The following ARID2 variants were observed in gnomAD, a reference collection of about 807,000 sequenced individuals.
ARID2 encodes AT-rich interactive domain-containing protein 2.
In ARID2, 32 loss-of-function variants were observed where a neutral mutation model predicts 184.6. That is an observed-to-expected ratio of 0.17 (90% CI 0.13 to 0.23). The LOEUF is 0.23. Ranked by LOEUF, ARID2 falls within the 10% of genes least tolerant of loss-of-function variation. The pLI is 1.00. For missense variants in ARID2, 1,696 were observed against 2,197.6 expected (o/e 0.77, Z 4.56); for synonymous variants, 836 against 772.6 (o/e 1.08, Z -1.36).
chr12:45,802,969 T>C (rs943351243), intron 3 of ARID2, among the ~76,000 whole-genome samples: 1 of 152,160 alleles, frequency 6.6e-6, no homozygotes, highest in African/African-American at 2.4e-5. Flanking sequence ...CTTTTTCCTT[T>C]TCTTTTCCCG....
At chr12:45,880,428 A>G (rs1944081169) in intron 16 of ARID2, among the ~76,000 whole-genome samples, 1 of 152,234 alleles carries the variant, frequency 6.6e-6, no homozygotes, top group South Asian at 2.1e-4. Context: ...TCAAATCACC[A>G]GGTTCCTACT....
intron 3 of ARID2, among the ~76,000 whole-genome samples, chr12:45,773,040 G>C (rs1189047785): frequency 1.3e-5 from 2 of 151,978 alleles, no homozygotes; most frequent in Non-Finnish European, 2.9e-5. Flanking sequence ...CATTTAAAAA[G>C]AAATAATACA....
At chr12:45,803,494 C>T (rs1942545101) in intron 3 of ARID2, among the ~76,000 whole-genome samples, 1 of 152,152 alleles carries the variant, frequency 6.6e-6, no homozygotes, top group Admixed American at 6.5e-5. Context: ...TAACAAAGTA[C>T]TTCAAATTCT....
At chr12:45,735,130 GT>G (rs778761065) in intron 3 of ARID2, among the ~76,000 whole-genome samples, 8 of 151,174 alleles carry the variant, frequency 5.3e-5, no homozygotes, top group Non-Finnish European at 1.2e-4. Flanking sequence ...TTCTTGGTGG[GT>G]AAAGCTCTTT....
In ARID2 at chr12:45,891,930, A is replaced by T. The variant is rs547670228; in HGVS notation, c.5061+12A>T. On this transcript the variant is annotated intron_variant, in intron 17 of 20. Transcript: ENST00000334344. The stretch of plus-strand genomic sequence containing the variant: ...TTACCCACTTGCAGGTACACTTTTT[A>T]AATACTATTTGATCAGTAACTCATT... 6.2e-7 allele frequency: 1 copy of T among 1,613,990 alleles called. No homozygotes were observed. Among genetic ancestry groups the T allele is most frequent in the African/African-American group, 1.3e-5 (1 of 75,018 alleles).
chr12:45,770,868 A>G (rs1051438362), intron 3 of ARID2, among the ~76,000 whole-genome samples: 12 of 152,212 alleles, frequency 7.9e-5, no homozygotes, highest in Non-Finnish European at 1.3e-4. Context: ...TTCTCAATCC[A>G]GTCCATGGAT....
At chr12:45,816,070 C>T (rs1942798845) in intron 4 of ARID2, among the ~76,000 whole-genome samples, 1 of 152,086 alleles carries the variant, frequency 6.6e-6, no homozygotes, top group Non-Finnish European at 1.5e-5. Flanking sequence ...ACATAGTTGC[C>T]AAGGTCTAAA....
chr12:45,852,561 G>C lies in ARID2; in HGVS notation c.4438G>C (p.Gly1480Arg), dbSNP rs587778056. The C allele has an allele frequency of 2.5e-6, 4 of 1,614,046 alleles. No individual in the cohort carries two copies. Among genetic ancestry groups the C allele is most frequent in the Middle Eastern group, 3.3e-4 (2 of 6,062 alleles). Reference sequence around the variant, plus strand: ...ACATTCTACAACCTCTGTTATACAGGGACATCAAATCATAGCAGTTCCCGA... The same window carrying C: ...ACATTCTACAACCTCTGTTATACAGCGACATCAAATCATAGCAGTTCCCGA... ...SPHSTTSVIQ[G>R]HQIIAVPDSG... Residue 1480 changes from glycine to arginine, a missense_variant, in exon 15 of 21, where the codon GGA (glycine) becomes CGA (arginine). By Grantham distance (125) the Gly-to-Arg change is moderately radical (BLOSUM62 -2). Transcript: ENST00000334344.
At chr12:45,853,056 T>C (rs925122474) in intron 15 of ARID2, among the ~76,000 whole-genome samples, 160 bp downstream of exon 15, 13 of 152,244 alleles carry the variant, frequency 8.5e-5, no homozygotes, top group Non-Finnish European at 1.3e-4. Flanking sequence ...TTTTGTAATA[T>C]TAGTTTTCAA....
intron 6 of ARID2, among the ~76,000 whole-genome samples, chr12:45,830,364 ACT>A (rs1301541888): frequency 6.6e-6 from 1 of 152,090 alleles, no homozygotes; most frequent in Non-Finnish European, 1.5e-5. Context: ...TTTTCGGGTA[ACT>A]CGAGTAGTTA....
chr12:45,825,672 G>T (rs969653316), intron 6 of ARID2, among the ~76,000 whole-genome samples: 1 of 152,042 alleles, frequency 6.6e-6, no homozygotes, highest in Non-Finnish European at 1.5e-5. Flanking sequence ...AGACTAGCCT[G>T]GGCAATATAA....
At chr12:45,803,543 A>C (rs1942546836) in intron 3 of ARID2, among the ~76,000 whole-genome samples, 1 of 152,202 alleles carries the variant, frequency 6.6e-6, no homozygotes, top group African/African-American at 2.4e-5. Context: ...GCATCACGTA[A>C]CAAAAAGTAC....
At chr12:45,734,309 C>T (rs1224101442) in intron 3 of ARID2, among the ~76,000 whole-genome samples, 3 of 152,110 alleles carry the variant, frequency 2.0e-5, no homozygotes, top group Non-Finnish European at 2.9e-5. Context: ...TCGGAGGTTG[C>T]AGTGAGCGGA....
chr12:45,736,687 G>T (rs1941132173), intron 3 of ARID2, among the ~76,000 whole-genome samples: 1 of 152,052 alleles, frequency 6.6e-6, no homozygotes, highest in Non-Finnish European at 1.5e-5. Flanking sequence ...TGGTATTCAG[G>T]GCCAACTAGA....
At chr12:45,864,478 C>T (rs1258804784) in intron 16 of ARID2, among the ~76,000 whole-genome samples, 1 of 151,470 alleles carries the variant, frequency 6.6e-6, no homozygotes, top group East Asian at 1.9e-4. Flanking sequence ...TGTTAGATTA[C>T]CCCTCCATCC....
chr12:45,768,137 C>T (rs1941805914), intron 3 of ARID2, among the ~76,000 whole-genome samples: 1 of 152,152 alleles, frequency 6.6e-6, no homozygotes, highest in Admixed American at 6.5e-5. Context: ...ACTGGTGCAG[C>T]CAAGAACACA....
intron 6 of ARID2, among the ~76,000 whole-genome samples, chr12:45,828,616 G>A (rs1480629186): frequency 2.0e-5 from 3 of 151,970 alleles, no homozygotes; most frequent in Non-Finnish European, 4.4e-5. Context: ...CCTCGTTGTT[G>A]ACAGTATTTG....
chr12:45,738,779 C>CTTTTTTT lies in ARID2; in HGVS notation c.284+7493_284+7499dup, dbSNP rs11333868. 1.3e-3 allele frequency among the ~76,000 whole-genome samples: 81 copies of CTTTTTTT among 62,268 alleles called. 6 individuals carry two copies. The highest frequency in any genetic ancestry group is 4.6e-3 in the East Asian group (4 of 878). 40.9% of individuals were successfully genotyped at this position (62,268 alleles called of 152,430 possible). On this transcript the variant is annotated intron_variant, in intron 3 of 20. Transcript: ENST00000334344. The stretch of plus-strand genomic sequence containing the variant: ...TTTTCTTCCTGGGGCATATGGGCTA[C>CTTTTTTT]TTTTTTTTTTTTTTTTTTTTTTTTT...
At chr12:45,862,637 A>G (rs1331609832) in intron 16 of ARID2, among the ~76,000 whole-genome samples, 2 of 152,132 alleles carry the variant, frequency 1.3e-5, no homozygotes, top group African/African-American at 2.4e-5. Context: ...TGAACCTAGG[A>G]ATTCGAGTCT....
Sources: gnomAD v4.1 joint callset for allele counts (sites outside exome capture counted in the v4.1 genomes callset) on GRCh38, gnomAD v4.1.1 for gene constraint, MANE v1.5 for transcripts, NCBI Gene and HGNC (gene_info 2026-07-23, HGNC 2026-07-21) for gene names.